The following WWC1 variants were observed in gnomAD, a reference collection of about 807,000 sequenced individuals.
The protein encoded by WWC1 is protein KIBRA.
Under a neutral mutation model 138.4 loss-of-function variants are expected in WWC1, and 55 were observed. That is an observed-to-expected ratio of 0.40 (90% CI 0.32 to 0.50). The LOEUF (loss-of-function observed/expected upper bound fraction) is 0.50. WWC1 is among the 20% of genes least tolerant of loss of function. The probability of loss-of-function intolerance (pLI) is 0.72; values close to 1 mark genes in which losing one functional copy is unlikely to be tolerated. For synonymous variants in WWC1, 524 were observed against 564.9 expected, an observed-to-expected ratio of 0.93 and a Z score of 1.03; for missense variants, 1,226 against 1,420.4, an observed-to-expected ratio of 0.86 and a Z score of 2.20.
chr5:168,444,424 G>C, intron 16 of WWC1, 70 bp from the exon 17 acceptor site: 1 of 1,454,426 alleles, frequency 6.9e-7, no homozygotes, highest in South Asian at 1.3e-5. Context: ...GCTCTGAGAT[G>C]CTCTGATTCC....
At chr5:168,323,409 G>A (rs186795803) in intron 1 of WWC1, among the ~76,000 whole-genome samples, 23 of 152,198 alleles carry the variant, frequency 1.5e-4, no homozygotes, top group Admixed American at 1.4e-3. Context: ...TTAGCCAGGC[G>A]TGGGGTATGT....
chr5:168,327,755 G>A (rs1270844194), intron 1 of WWC1, among the ~76,000 whole-genome samples: 1 of 152,230 alleles, frequency 6.6e-6, no homozygotes, highest in African/African-American at 2.4e-5. Flanking sequence ...AAAAGCCTGA[G>A]TGTGGTATAG....
At chr5:168,350,997 A>G (rs1221043966) in intron 1 of WWC1, among the ~76,000 whole-genome samples, 1 of 152,144 alleles carries the variant, frequency 6.6e-6, no homozygotes. Context: ...AACACAAAAA[A>G]TTAGCCGGGC....
At chr5:168,411,871 G>C (rs936618568) in intron 8 of WWC1, 1 of 633,788 alleles carries the variant, frequency 1.6e-6, no homozygotes, top group African/African-American at 2.0e-5. Context: ...AAAGTCAGCT[G>C]TATGGGAACC....
intron 1 of WWC1, among the ~76,000 whole-genome samples, chr5:168,340,257 G>T (rs1442566462): frequency 6.6e-6 from 1 of 152,000 alleles, no homozygotes; most frequent in Non-Finnish European, 1.5e-5. Flanking sequence ...TGTATTTTTA[G>T]TAGAGACGGA....
At chr5:168,389,597 GTTTTTTTT>G (rs55873477) in intron 3 of WWC1, among the ~76,000 whole-genome samples, 2 of 129,332 alleles carry the variant, frequency 1.5e-5, no homozygotes, top group Admixed American at 8.0e-5. Context: ...TTGAATTTTT[GTTTTTTTT>G]TTTTTTTTTT....
At position 168,468,961 on chromosome 5, in the gene WWC1, G is replaced by T. The variant is rs773823599; in HGVS notation, c.3286G>T (p.Ala1096Ser). The T allele has an allele frequency of 6.2e-7, 1 of 1,614,228 alleles. No individual in the cohort carries two copies. The highest frequency in any genetic ancestry group is 1.3e-5 in the African/African-American group (1 of 75,058). ...TGGCCTCTCTTATAGGGAGAAGATGGCATTTTTCACCCGGCCTCGGATGAA... is the reference window on the plus strand; with the variant it reads ...TGGCCTCTCTTATAGGGAGAAGATGTCATTTTTCACCCGGCCTCGGATGAA... ...PEVQSFREKMAFFTRPRMNIP... is the reference protein window; with the variant it reads ...PEVQSFREKMSFFTRPRMNIP... Residue 1096 changes from alanine (A) to serine (S), a missense_variant, in exon 23 of 23, where the codon GCA becomes TCA. Coordinates refer to ENST00000265293, the MANE Select transcript of WWC1 (RefSeq NM_015238.3).
intron 1 of WWC1, among the ~76,000 whole-genome samples, chr5:168,329,599 A>G (rs980965555): frequency 3.3e-5 from 5 of 152,186 alleles, no homozygotes; most frequent in Admixed American, 3.3e-4. Context: ...TTTATAATTA[A>G]CAAGCCATGC....
chr5:168,344,939 T>G (rs1774347873), intron 1 of WWC1, among the ~76,000 whole-genome samples: 1 of 152,218 alleles, frequency 6.6e-6, no homozygotes, highest in African/African-American at 2.4e-5. Context: ...GTTGATTTAT[T>G]TTTTGTGTAA....
chr5:168,446,789 C>T (rs1477470265), intron 17 of WWC1, among the ~76,000 whole-genome samples: 1 of 152,140 alleles, frequency 6.6e-6, no homozygotes, highest in African/African-American at 2.4e-5. Flanking sequence ...CATAGTAGAC[C>T]CTCAATACAT....
chr5:168,336,145 G>A (rs1383859626), intron 1 of WWC1, among the ~76,000 whole-genome samples: 1 of 152,172 alleles, frequency 6.6e-6, no homozygotes, highest in African/African-American at 2.4e-5. Context: ...ACCTGGATAT[G>A]TGGGCCCCAC....
chr5:168,406,713 G>A (rs1436816317), intron 6 of WWC1, among the ~76,000 whole-genome samples: 1 of 151,984 alleles, frequency 6.6e-6, no homozygotes, highest in African/African-American at 2.4e-5. Context: ...AGGCTGAGGC[G>A]GGCGGATCAT....
At chr5:168,392,483 T>A (rs138798119) in intron 3 of WWC1, among the ~76,000 whole-genome samples, 1 of 152,238 alleles carries the variant, frequency 6.6e-6, no homozygotes, top group African/African-American at 2.4e-5. Context: ...AGCCAAGAGT[T>A]TAAGACCAGC....
At chr5:168,371,352 C>G (rs1776737155) in intron 1 of WWC1, 72 bp from the exon 2 acceptor site, 2 of 1,139,468 alleles carry the variant, frequency 1.8e-6, no homozygotes, top group South Asian at 2.7e-5. Flanking sequence ...GCAGGAGGCA[C>G]AGGGAAGCAG....
chr5:168,361,214 G>A (rs1310582823), intron 1 of WWC1, among the ~76,000 whole-genome samples: 1 of 152,194 alleles, frequency 6.6e-6, no homozygotes, highest in Non-Finnish European at 1.5e-5. Context: ...GGAACTGGGA[G>A]TCCTCTCTGG....
intron 3 of WWC1, among the ~76,000 whole-genome samples, chr5:168,392,736 T>C (rs1296596426): frequency 6.6e-6 from 1 of 152,188 alleles, no homozygotes; most frequent in East Asian, 1.9e-4. Context: ...TAACGTACTG[T>C]GCAACTCACA....
chr5:168,398,135 G>T (rs112465588), intron 4 of WWC1, among the ~76,000 whole-genome samples: 1 of 151,148 alleles, frequency 6.6e-6, no homozygotes, highest in East Asian at 1.9e-4. Flanking sequence ...ACAGAGTCTC[G>T]CTCTGTCACC....
intron 1 of WWC1, among the ~76,000 whole-genome samples, chr5:168,295,456 AAAAAATTGCACT>A (rs1186184035): frequency 6.6e-6 from 1 of 150,848 alleles, no homozygotes; most frequent in Non-Finnish European, 1.5e-5. Context: ...GCTGTGAGAC[AAAAAATTGCACT>A]AAAAATTTCT....
At chr5:168,384,112 G>T (rs781642975) in intron 2 of WWC1, among the ~76,000 whole-genome samples, 2 of 152,006 alleles carry the variant, frequency 1.3e-5, no homozygotes, top group African/African-American at 4.8e-5. Context: ...TTCTTCAAAG[G>T]TGTTATCTTT....
Sources: gnomAD v4.1 joint callset for allele counts (sites outside exome capture counted in the v4.1 genomes callset) on GRCh38, gnomAD v4.1.1 for gene constraint, MANE v1.5 for transcripts, NCBI Gene and HGNC (gene_info 2026-07-23, HGNC 2026-07-21) for gene names.